Variants in GOT1 observed in about 807,000 individuals in gnomAD.
The protein encoded by GOT1 is glutamic-oxaloacetic transaminase 1.
GOT1 carries 25 observed loss-of-function variants against 48.2 expected under a neutral mutation model. The observed-to-expected ratio is 0.52, with a 90% CI of 0.38 to 0.72. GOT1 has a LOEUF of 0.72. Ranked by LOEUF, GOT1 falls within the 30% of genes least tolerant of loss-of-function variation. The pLI is 0.00. For missense variants in GOT1, 380 were observed against 520.1 expected (o/e 0.73, Z 2.62); for synonymous variants, 188 against 193.8 (o/e 0.97, Z 0.25).
At chr10:99,420,320 G>C (rs1375245321) in intron 2 of GOT1, 1 of 271,660 alleles carries the variant, frequency 3.7e-6, no homozygotes, top group Admixed American at 4.9e-5. Flanking sequence ...GGCAGAGTTG[G>C]ATCTAGAACC....
At position 99,397,402 on chromosome 10, in the gene GOT1, C is replaced by T. The variant is rs756470476; in HGVS notation, c.*145G>A. On this transcript the variant is annotated 3_prime_UTR_variant, in exon 9 of 9. Coordinates refer to ENST00000370508, the MANE Select transcript of GOT1 (RefSeq NM_002079.3). This position sits in a 1 kb window ranked among gnomAD's most constrained non-coding sequence, Gnocchi z 5.4. ...AAGGGATGTTCTCTTCATGTGGGGC[C>T]GGTTTAAACAGAGGCTGCCTCACCA... The T allele has an allele frequency of 1.9e-5, 15 of 798,514 alleles. No homozygotes were observed. Among genetic ancestry groups the T allele is most frequent in the Middle Eastern group, 3.9e-4 (1 of 2,582 alleles). The allele number at this position is 798,514 out of a possible 1,614,324, so 49.5% of individuals were successfully genotyped here.
chr10:99,425,605 G>A (rs1483365610), intron 1 of GOT1, among the ~76,000 whole-genome samples: 3 of 152,162 alleles, frequency 2.0e-5, no homozygotes, highest in Non-Finnish European at 4.4e-5. Flanking sequence ...AAATAGATTC[G>A]AGGTAGAAAA....
intron 3 of GOT1, 22 bp downstream of exon 3, chr10:99,406,704 T>C (rs1279638203): frequency 1.9e-5 from 31 of 1,608,752 alleles, no homozygotes; most frequent in Non-Finnish European, 2.6e-5. Flanking sequence ...GTTTTTCCTC[T>C]CACTTCAGCT....
chr10:99,396,998 T>G lies in GOT1; in HGVS notation c.*549A>C, dbSNP rs1449742020. ...TGGTAAAACTTGTTTCAGTTAAATA[T>G]GTACGTGTCCGTGCATGTCATGATT... On this transcript the variant is annotated 3_prime_UTR_variant, in exon 9 of 9. Transcript: ENST00000370508. 1 of 153,368 alleles carries G rather than the reference T, an allele frequency of 6.5e-6. No homozygotes were observed. Among genetic ancestry groups the G allele is most frequent in the Non-Finnish European group, 1.5e-5 (1 of 68,772 alleles). The allele number at this position is 153,368 out of a possible 1,614,324, so 9.5% of individuals were successfully genotyped here. A position where few individuals can be genotyped will look rare whatever the true frequency, so the allele number is the denominator to read the frequency against.
At chr10:99,419,564 G>A (rs994440291) in intron 2 of GOT1, among the ~76,000 whole-genome samples, 1 of 151,998 alleles carries the variant, frequency 6.6e-6, no homozygotes, top group African/African-American at 2.4e-5. Flanking sequence ...ATATTTTATG[G>A]TTCTCAAAAC....
intron 2 of GOT1, among the ~76,000 whole-genome samples, chr10:99,419,881 G>T (rs1355685255): frequency 6.6e-6 from 1 of 152,142 alleles, no homozygotes; most frequent in Non-Finnish European, 1.5e-5. Flanking sequence ...CTGAGAATCT[G>T]TTCCACTTCC....
In GOT1 at chr10:99,414,254, A is replaced by T. The variant is rs541254296; in HGVS notation, c.300+6370T>A. Among the ~76,000 whole-genome samples the T allele has an allele frequency of 1.1e-4, 16 of 152,344 alleles. No homozygotes were observed. The South Asian group carries it at 3.3e-3, about 32-fold the overall frequency. ...TAAAGGGATGGAGGAAGATCTACCAAGCAAATGGAAAACAAAAAAGGCAGG... is the reference window on the plus strand; with the variant it reads ...TAAAGGGATGGAGGAAGATCTACCATGCAAATGGAAAACAAAAAAGGCAGG... On this transcript the variant is annotated intron_variant, in intron 2 of 8. Transcript: ENST00000370508.
intron 4 of GOT1, 32 bp from the exon 5 acceptor site, chr10:99,405,892 A>G (rs953585196): frequency 1.7e-6 from 2 of 1,192,036 alleles, no homozygotes; most frequent in Non-Finnish European, 2.5e-6. Flanking sequence ...CAGCTCTGAC[A>G]CTGATGGGAA....
At chr10:99,410,296 T>G (rs960792563) in intron 2 of GOT1, among the ~76,000 whole-genome samples, 16 of 152,212 alleles carry the variant, frequency 1.1e-4, no homozygotes, top group African/African-American at 3.9e-4. Context: ...TGCAGATACC[T>G]AAGCCACTCT....
Position 99,397,776 on chromosome 10 carries a change from C to A in GOT1, c.1103-90G>T. 1 of 1,239,632 alleles carries A rather than the reference C, an allele frequency of 8.1e-7. No homozygotes were observed. The highest frequency in any genetic ancestry group is 1.2e-6 in the Non-Finnish European group (1 of 860,156). 76.8% of individuals were successfully genotyped at this position (1,239,632 alleles called of 1,614,324 possible). A position where few individuals can be genotyped will look rare whatever the true frequency, so the allele number is the denominator to read the frequency against. On this transcript the variant is annotated intron_variant, in intron 8 of 8. Transcript: ENST00000370508. This position sits in a 1 kb window ranked among gnomAD's most constrained non-coding sequence, Gnocchi z 5.4. ...CAATTATATGACAATTACAGCTTTA[C>A]TTCTTTCCCCTTAACAGAGAGAAGC...
rs201446452 is a variant in GOT1, at chr10:99,406,227, G to A, written c.447C>T (p.Ser149=). ...ACCGAATGTCTTTAAAACCAGCAGCGGAAAACACAGCATTGTGATTCTCTG... is the reference window on the plus strand; with the variant it reads ...ACCGAATGTCTTTAAAACCAGCAGCAGAAAACACAGCATTGTGATTCTCTG... ...PTWENHNAVF[S]AAGFKDIRSY... The change falls in exon 4 of 9, where the codon TCC becomes TCT. Residue 149 remains serine, a synonymous_variant. Transcript: ENST00000370508. The A allele has an allele frequency of 4.3e-5, 70 of 1,613,174 alleles. No homozygotes were observed. In the African/African-American group the frequency reaches 4.8e-4, roughly 11 times the overall value.
intron 2 of GOT1, among the ~76,000 whole-genome samples, chr10:99,409,489 A>G (rs1045450953): frequency 6.6e-6 from 1 of 152,224 alleles, no homozygotes; most frequent in Non-Finnish European, 1.5e-5. Flanking sequence ...CTTTTCAAGA[A>G]CCTAACATAA....
At chr10:99,405,632 TTTC>T in intron 5 of GOT1, 121 bp downstream of exon 5, 1 of 619,664 alleles carries the variant, frequency 1.6e-6, no homozygotes, top group Non-Finnish European at 2.9e-6. Flanking sequence ...TAATACTTAT[TTTC>T]TTCTTTGGAC....
chr10:99,429,086 G>C (rs552865797), intron 1 of GOT1, among the ~76,000 whole-genome samples: 3 of 148,506 alleles, frequency 2.0e-5, no homozygotes, highest in African/African-American at 7.5e-5. Flanking sequence ...GTCTCGCTCT[G>C]TCGCCCAGCC....
At chr10:99,412,725 C>T (rs1298133606) in intron 2 of GOT1, among the ~76,000 whole-genome samples, 1 of 152,084 alleles carries the variant, frequency 6.6e-6, no homozygotes, top group Non-Finnish European at 1.5e-5. Flanking sequence ...CCTCACATGG[C>T]CGGGTACCCC....
intron 5 of GOT1, among the ~76,000 whole-genome samples, chr10:99,405,278 T>G (rs1489654707): frequency 2.0e-5 from 3 of 152,084 alleles, no homozygotes; most frequent in African/African-American, 7.2e-5. Flanking sequence ...TAAAAGGAAA[T>G]TTTGTTACAT....
At chr10:99,400,398 C>A (rs1388009026) in intron 8 of GOT1, among the ~76,000 whole-genome samples, 1 of 152,220 alleles carries the variant, frequency 6.6e-6, no homozygotes, top group Non-Finnish European at 1.5e-5. Context: ...GTAATCCCAG[C>A]ACCTTGGGAG....
At chr10:99,425,143 A>G (rs1420068038) in intron 1 of GOT1, among the ~76,000 whole-genome samples, 1 of 152,256 alleles carries the variant, frequency 6.6e-6, no homozygotes, top group Non-Finnish European at 1.5e-5. Context: ...GATTTTACAG[A>G]GAATGAAGAA....
rs1012621287 is a variant in GOT1 at position 99,407,204 on chromosome 10, T to C, written c.301-355A>G. Among the ~76,000 whole-genome samples the C allele has an allele frequency of 8.0e-5, 11 of 136,654 alleles. No homozygotes were observed. The South Asian group carries it at 1.2e-3, about 15-fold the overall frequency. 89.7% of individuals were successfully genotyped at this position (136,654 alleles called of 152,430 possible). ...ATTAGTGTGTGTGTGTGTGTGTGTG[T>C]GCATGCACGCACATGCCTTGGAAGG... is the stretch of plus-strand genomic sequence containing the variant. On this transcript the variant is annotated intron_variant, in intron 2 of 8. Coordinates refer to ENST00000370508, the MANE Select transcript of GOT1 (RefSeq NM_002079.3).
Sources: gnomAD v4.1 joint callset for allele counts (sites outside exome capture counted in the v4.1 genomes callset) on GRCh38, gnomAD v4.1.1 for gene constraint, Gnocchi (gnomAD v3.1) non-coding constraint, MANE v1.5 for transcripts, NCBI Gene and HGNC (gene_info 2026-07-23, HGNC 2026-07-21) for gene names.